The following NCAPD2 variants were observed in gnomAD, a reference collection of about 807,000 sequenced individuals.
NCAPD2 encodes non-SMC condensin I complex subunit D2.
Under a neutral mutation model 164.5 loss-of-function variants are expected in NCAPD2, and 100 were observed. The ratio of observed to expected loss-of-function variants is 0.61; its 90% CI spans 0.52 to 0.72. The LOEUF (loss-of-function observed/expected upper bound fraction) is 0.72. NCAPD2 is among the 30% of genes least tolerant of loss of function. The probability of loss-of-function intolerance (pLI) is 0.00; values close to 1 mark genes in which losing one functional copy is unlikely to be tolerated. For missense variants in NCAPD2, 1,560 were observed against 1,749.2 expected, an observed-to-expected ratio of 0.89 and a Z score of 1.93; for synonymous variants, 585 against 642.6, an observed-to-expected ratio of 0.91 and a Z score of 1.36.
chr12:6,520,924 G>T, intron 13 of NCAPD2, 62 bp from the exon 14 acceptor site: 1 of 1,606,770 alleles, frequency 6.2e-7, no homozygotes. Flanking sequence ...CATGAGGTAA[G>T]CTCCCTTACA....
At chr12:6,529,147 T>G in intron 27 of NCAPD2, 108 bp downstream of exon 27, 2 of 977,228 alleles carry the variant, frequency 2.0e-6, no homozygotes, top group Non-Finnish European at 3.1e-6. Context: ...TGTACAGCCT[T>G]CGGCAATAAC....
In NCAPD2 at chr12:6,527,843, G is replaced by C. The variant is rs1413324059; in HGVS notation, c.2974G>C (p.Glu992Gln). The C allele has an allele frequency of 6.2e-7, 1 of 1,614,016 alleles. No individual in the cohort carries two copies. The highest frequency in any genetic ancestry group is 1.1e-5 in the South Asian group (1 of 91,082). The part of the protein sequence containing the change: ...GLVGATADDT[E>Q]AELIRGICEM... ...GGTTGGGGCAACAGCAGATGACACA[G>C]AGGCAGAACTAATCCGTGGCATCTG... The change falls in exon 23 of 32, where the codon GAG becomes CAG. Residue 992 changes from glutamate to glutamine, a missense_variant. Transcript: ENST00000315579.
At chr12:6,527,647 C>A in intron 22 of NCAPD2, 130 bp from the exon 23 acceptor site, 2 of 809,666 alleles carry the variant, frequency 2.5e-6, no homozygotes, top group South Asian at 3.4e-5. Flanking sequence ...TTTACAGACA[C>A]ATTTGACAAT....
chr12:6,502,234 T>C (rs1217168380), intron 2 of NCAPD2, among the ~76,000 whole-genome samples: 1 of 151,634 alleles, frequency 6.6e-6, no homozygotes, highest in Non-Finnish European at 1.5e-5. Flanking sequence ...GCAGAGTGTA[T>C]GTATGGGCAT....
chr12:6,522,682 A>G lies in NCAPD2; in HGVS notation c.1955-146A>G, dbSNP rs1450559186. On this transcript the variant is annotated intron_variant, in intron 15 of 31. Coordinates refer to ENST00000315579, the MANE Select transcript of NCAPD2 (RefSeq NM_014865.4). ...ATTTTAATGCATATAGTATTTCATG[A>G]TAAGGCATCATAGGAGGAGTCGACA... 1.1e-5 allele frequency: 9 copies of G among 838,774 alleles called. No homozygotes were observed. In the East Asian group the frequency reaches 2.0e-4, roughly 18 times the overall value. The allele number at this position is 838,774 out of a possible 1,614,324, so 52.0% of individuals were successfully genotyped here. A position where few individuals can be genotyped will look rare whatever the true frequency, so the allele number is the denominator to read the frequency against.
Position 6,517,444 on chromosome 12 carries a change from A to G in NCAPD2, c.1265A>G (p.Lys422Arg). 1 of 1,614,248 alleles carries G rather than the reference A, an allele frequency of 6.2e-7. No homozygotes were observed. Among genetic ancestry groups the G allele is most frequent in the Non-Finnish European group, 8.5e-7 (1 of 1,180,040 alleles). Residue 422 changes from lysine (K) to arginine (R), a missense_variant, in exon 11 of 32, where the codon AAA becomes AGA. Transcript: ENST00000315579. ...GCAGACAAGTCAGTGCTAGTATGTA[A>G]AAATGCCATCCAGCTGCTGGCCAGT... ...RLADKSVLVCKNAIQLLASFL... is the reference protein window; with the variant it reads ...RLADKSVLVCRNAIQLLASFL...
intron 9 of NCAPD2, among the ~76,000 whole-genome samples, chr12:6,516,541 C>A (rs1397171488): frequency 1.3e-5 from 2 of 152,102 alleles, no homozygotes; most frequent in Non-Finnish European, 2.9e-5. Flanking sequence ...GGCTTTGAGA[C>A]CTCAGCTGAA....
chr12:6,499,787 CTG>C (rs1199324739), intron 2 of NCAPD2, among the ~76,000 whole-genome samples: 1 of 152,152 alleles, frequency 6.6e-6, no homozygotes, highest in Non-Finnish European at 1.5e-5. Context: ...GTGAGGACCA[CTG>C]TGTGTAAGAT....
chr12:6,507,303 T>G (rs567089325), intron 2 of NCAPD2, among the ~76,000 whole-genome samples: 1 of 152,264 alleles, frequency 6.6e-6, no homozygotes, highest in South Asian at 2.1e-4. Context: ...GGAACAAAAA[T>G]GAAGGGAGGC....
At chr12:6,498,220 T>G (rs1946002218) in intron 2 of NCAPD2, among the ~76,000 whole-genome samples, 1 of 152,102 alleles carries the variant, frequency 6.6e-6, no homozygotes, top group Admixed American at 6.5e-5. Context: ...AGAGTCCTTT[T>G]TAAAACAATT....
intron 2 of NCAPD2, among the ~76,000 whole-genome samples, chr12:6,504,519 A>G (rs1336536108): frequency 6.6e-6 from 1 of 151,816 alleles, no homozygotes; most frequent in Admixed American, 6.6e-5. Flanking sequence ...TAGCCTCCCA[A>G]GTAGCTGAGA....
At position 6,526,614 on chromosome 12, in the gene NCAPD2, G is replaced by A. The variant is rs371088171; in HGVS notation, c.2733G>A (p.Pro911=). The A allele has an allele frequency of 2.0e-5, 32 of 1,612,416 alleles. No homozygotes were observed. The highest frequency in any genetic ancestry group is 1.3e-4 in the East Asian group (6 of 44,824). Residue 911 remains proline, a splice_region_variant and synonymous_variant, in exon 21 of 32, where the codon CCG becomes CCA. Transcript: ENST00000315579. ...AGAAGAGAACCAGTCAGGAGGACCC[G>A]AGTAAGTGGGCAGGGGTTGACCCAC... ...LEEKRTSQED[P]KESPAMLPTF...
rs1946333418 is a variant in NCAPD2, at chr12:6,528,148, C to G, written c.3144-25C>G. 1 of 1,614,082 alleles carries G rather than the reference C, an allele frequency of 6.2e-7. No individual in the cohort carries two copies. The stretch of plus-strand genomic sequence containing the variant: ...GGAAGATGGGGATGAAATGGCTTCC[C>G]TAATGATCCTCTTCTTGCTCTTAGT... On this transcript the variant is annotated intron_variant, in intron 24 of 31. Transcript: ENST00000315579. The surrounding 1 kb of genome is among the most constrained non-coding windows in gnomAD (Gnocchi z 5.1).
chr12:6,510,005 G>C lies in NCAPD2; in HGVS notation c.204-70G>C, dbSNP rs763015912. The stretch of plus-strand genomic sequence containing the variant: ...TTTAAACATTCGATTCCACGGGTTA[G>C]ATCTGATCTGTTAGAAGGGGCTCTG... On this transcript the variant is annotated intron_variant, in intron 3 of 31. Coordinates refer to ENST00000315579, the MANE Select transcript of NCAPD2 (RefSeq NM_014865.4). 9 of 1,499,626 alleles carry C rather than the reference G, an allele frequency of 6.0e-6. 1 individual carries two copies. The South Asian group carries it at 1.0e-4, about 17-fold the overall frequency. The allele number at this position is 1,499,626 out of a possible 1,614,324, so 92.9% of individuals were successfully genotyped here. A position where few individuals can be genotyped will look rare whatever the true frequency, so the allele number is the denominator to read the frequency against.
chr12:6,525,651 C>G lies in NCAPD2; in HGVS notation c.2283C>G (p.Thr761=). 2 of 1,613,444 alleles carry G rather than the reference C, an allele frequency of 1.2e-6. No homozygotes were observed. The highest frequency in any genetic ancestry group is 1.7e-6 in the Non-Finnish European group (2 of 1,179,990). The part of the protein sequence containing the change: ...AVTQLLWERA[T]EKVACCPLER... ...CCCAGCTGCTGTGGGAGCGGGCCAC[C>G]GAGAAGGTCGCCTGCTGTCCTCTGG... is the stretch of plus-strand genomic sequence containing the variant. Residue 761 remains threonine, a synonymous_variant, in exon 18 of 32, where the codon ACC becomes ACG. Transcript: ENST00000315579.
Position 6,514,487 on chromosome 12 carries a change from A to T in NCAPD2, c.739A>T (p.Met247Leu), listed in dbSNP as rs1279840454. The change falls in exon 8 of 32, where the codon ATG becomes TTG. Residue 247 changes from methionine (M) to leucine (L), a missense_variant. Met to Leu is a conservative substitution (Grantham distance 15, BLOSUM62 2). Coordinates refer to ENST00000315579, the MANE Select transcript of NCAPD2 (RefSeq NM_014865.4). Reference protein sequence around the residue: ...MLSATVKIIQMLQHFEHLAPV... With the variant: ...MLSATVKIIQLLQHFEHLAPV... ...AGGTGCTACAGTGAAGATCATCCAG[A>T]TGCTGCAGCACTTTGAACACCTGGC... 3 of 1,614,064 alleles carry T rather than the reference A, an allele frequency of 1.9e-6. No individual in the cohort carries two copies. The highest frequency in any genetic ancestry group is 2.5e-6 in the Non-Finnish European group (3 of 1,180,054).
chr12:6,512,547 C>A (rs898482877), intron 6 of NCAPD2, among the ~76,000 whole-genome samples: 1 of 152,166 alleles, frequency 6.6e-6, no homozygotes, highest in African/African-American at 2.4e-5. Flanking sequence ...AGGGTTAGGC[C>A]GTGAGGCCAT....
chr12:6,526,418 A>G, intron 20 of NCAPD2, 30 bp from the exon 21 acceptor site: 1 of 1,614,210 alleles, frequency 6.2e-7, no homozygotes, highest in East Asian at 2.2e-5. Context: ...CCTTTGTTGC[A>G]GTAAACAACT....
At chr12:6,513,854 T>C (rs1946174811) in intron 6 of NCAPD2, among the ~76,000 whole-genome samples, 1 of 151,718 alleles carries the variant, frequency 6.6e-6, no homozygotes, top group Admixed American at 6.6e-5. Context: ...TAGCTGGGAT[T>C]ACAGGCGCCC....
Sources: gnomAD v4.1 joint callset for allele counts (sites outside exome capture counted in the v4.1 genomes callset) on GRCh38, gnomAD v4.1.1 for gene constraint, Gnocchi (gnomAD v3.1) non-coding constraint, MANE v1.5 for transcripts, NCBI Gene and HGNC (gene_info 2026-07-23, HGNC 2026-07-21) for gene names.